The following TAFA5 variants were observed in gnomAD, a reference collection of about 807,000 sequenced individuals.
TAFA5 encodes the protein chemokine-like protein TAFA-5.
Under a neutral mutation model 15.3 loss-of-function variants are expected in TAFA5, and 6 were observed. The ratio of observed to expected loss-of-function variants is 0.39; its 90% CI spans 0.21 to 0.77. The LOEUF (loss-of-function observed/expected upper bound fraction) is 0.77, where lower values mean the gene tolerates loss of function less well. TAFA5 is among the 30% of genes least tolerant of loss of function. The pLI, the probability that TAFA5 is intolerant of heterozygous loss-of-function variation, is 0.41. For missense variants in TAFA5, 161 were observed against 193.1 expected, an observed-to-expected ratio of 0.83 and a Z score of 0.98; for synonymous variants, 103 against 80.7, an observed-to-expected ratio of 1.28 and a Z score of -1.48.
chr22:48,669,130 G>A (rs904491537), intron 2 of TAFA5, among the ~76,000 whole-genome samples: 2 of 152,310 alleles, frequency 1.3e-5, no homozygotes, highest in East Asian at 1.9e-4. Flanking sequence ...GGAAGCCCCC[G>A]CCAGACACCG....
At chr22:48,632,431 A>AGTTTT (rs1926265337) in intron 1 of TAFA5, among the ~76,000 whole-genome samples, 1 of 150,526 alleles carries the variant, frequency 6.6e-6, no homozygotes, top group Non-Finnish European at 1.5e-5. Context: ...TTTGGTGCCA[A>AGTTTT]GTTTTGGGGT....
intron 1 of TAFA5, among the ~76,000 whole-genome samples, chr22:48,564,780 T>A (rs1214360746): frequency 6.6e-6 from 1 of 152,196 alleles, no homozygotes; most frequent in East Asian, 1.9e-4. Context: ...GGGAATGTCC[T>A]GGGGGTTCCA....
intron 1 of TAFA5, among the ~76,000 whole-genome samples, chr22:48,595,341 G>A (rs987350415): frequency 2.0e-5 from 3 of 152,258 alleles, no homozygotes; most frequent in African/African-American, 4.8e-5. Flanking sequence ...TTCCCGGCGC[G>A]TCAGTGGGGG....
At chr22:48,734,984 G>A (rs1601706116) in intron 3 of TAFA5, among the ~76,000 whole-genome samples, 1 of 152,234 alleles carries the variant, frequency 6.6e-6, no homozygotes, top group Non-Finnish European at 1.5e-5. Context: ...CATGTGGCGT[G>A]AGGAAGAACG....
chr22:48,735,372 T>A (rs374464844), intron 3 of TAFA5, among the ~76,000 whole-genome samples: 1 of 152,130 alleles, frequency 6.6e-6, no homozygotes, highest in African/African-American at 2.4e-5. Flanking sequence ...CATAACCTTG[T>A]GATAGACGCA....
chr22:48,635,480 GCTC>G (rs1316515379), intron 1 of TAFA5, among the ~76,000 whole-genome samples: 1 of 152,240 alleles, frequency 6.6e-6, no homozygotes, highest in African/African-American at 2.4e-5. Flanking sequence ...TCCAGCAGCA[GCTC>G]CTCCTCCGTG....
chr22:48,548,272 A>T (rs1424285878), intron 1 of TAFA5, among the ~76,000 whole-genome samples: 1 of 152,142 alleles, frequency 6.6e-6, no homozygotes, highest in Non-Finnish European at 1.5e-5. Flanking sequence ...TGGAAATGCC[A>T]TGTGCAGCTG....
chr22:48,603,745 G>C (rs2147167228), intron 1 of TAFA5, among the ~76,000 whole-genome samples: 1 of 152,306 alleles, frequency 6.6e-6, no homozygotes, highest in Non-Finnish European at 1.5e-5. Flanking sequence ...TTCCTAAAAA[G>C]TAGCTTTCAT....
At chr22:48,601,448 T>A (rs1924970268) in intron 1 of TAFA5, among the ~76,000 whole-genome samples, 2 of 152,172 alleles carry the variant, frequency 1.3e-5, no homozygotes, top group African/African-American at 4.8e-5. Context: ...TGCTTCAGCC[T>A]CCAGAGTAGC....
intron 2 of TAFA5, among the ~76,000 whole-genome samples, chr22:48,655,827 A>ATTT (rs1927217579): frequency 4.5e-5 from 4 of 89,448 alleles, no homozygotes; most frequent in East Asian, 5.0e-4. Flanking sequence ...CCAAACACTG[A>ATTT]TTCTTTTTTT....
Position 48,552,009 on chromosome 22 carries a change from C to T in TAFA5, c.112+62305C>T, listed in dbSNP as rs1359335295. Among the ~76,000 whole-genome samples the T allele has an allele frequency of 6.6e-6, 1 of 152,206 alleles. No homozygotes were observed. Among genetic ancestry groups the T allele is most frequent in the Non-Finnish European group, 1.5e-5 (1 of 68,024 alleles). Reference sequence around the variant, plus strand: ...CGGGAAGGCAGTGCTGGCCCCACGCCCTGCGATGGCCGTTCAGCTCTGACT... The same window carrying T: ...CGGGAAGGCAGTGCTGGCCCCACGCTCTGCGATGGCCGTTCAGCTCTGACT... On this transcript the variant is annotated intron_variant, in intron 1 of 3. Transcript: ENST00000402357. This position sits in a 1 kb window ranked among gnomAD's most constrained non-coding sequence, Gnocchi z 4.1.
intron 1 of TAFA5, among the ~76,000 whole-genome samples, chr22:48,636,516 C>T (rs1327565481): frequency 3.1e-5 from 1 of 32,006 alleles, no homozygotes; most frequent in East Asian, 1.9e-3. Flanking sequence ...AGGCACTTAA[C>T]TTATGAGTCA....
At chr22:48,535,249 G>A (rs1473237577) in intron 1 of TAFA5, among the ~76,000 whole-genome samples, 2 of 151,964 alleles carry the variant, frequency 1.3e-5, no homozygotes, top group African/African-American at 4.9e-5. Context: ...TTAAAAGTGT[G>A]TCTTTTCATC....
At position 48,704,200 on chromosome 22, in the gene TAFA5, GCACACACA is replaced by G. The variant is rs61363637; in HGVS notation, c.263-3501_263-3494del. Among the ~76,000 whole-genome samples the G allele has an allele frequency of 4.9e-3, 729 of 150,204 alleles. 9 individuals carry two copies. Among genetic ancestry groups the G allele is most frequent in the African/African-American group, 0.017 (692 of 40,910 alleles). ...AGAAACACACCCTCAACACACACGCGCACACACACACACACACACACACGATGCTTTCT... is the reference window on the plus strand; with the variant it reads ...AGAAACACACCCTCAACACACACGCGCACACACACACACACGATGCTTTCT... On this transcript the variant is annotated intron_variant, in intron 2 of 3. Transcript: ENST00000402357.
chr22:48,599,008 G>A (rs1331598336), intron 1 of TAFA5, among the ~76,000 whole-genome samples: 2 of 152,156 alleles, frequency 1.3e-5, no homozygotes, highest in East Asian at 3.9e-4. Context: ...GGTGCATAGG[G>A]CCAGGGGAGG....
At chr22:48,511,462 C>T (rs1383879448) in intron 1 of TAFA5, among the ~76,000 whole-genome samples, 1 of 152,198 alleles carries the variant, frequency 6.6e-6, no homozygotes, top group East Asian at 1.9e-4. Flanking sequence ...CTTATAAGGA[C>T]AGGAGCACAT....
At chr22:48,638,591 C>T (rs552675599) in intron 1 of TAFA5, among the ~76,000 whole-genome samples, 53 of 132,034 alleles carry the variant, frequency 4.0e-4, no homozygotes, top group African/African-American at 1.4e-3. Flanking sequence ...GGTCACCACA[C>T]ACAGGCAATA....
chr22:48,542,688 ATGTG>A (rs1922498597), intron 1 of TAFA5, among the ~76,000 whole-genome samples: 1 of 53,252 alleles, frequency 1.9e-5, no homozygotes, highest in African/African-American at 7.7e-5. Context: ...TGTGTGGTGT[ATGTG>A]TGGTGTGTGT....
At chr22:48,676,470 C>T (rs1227209903) in intron 2 of TAFA5, among the ~76,000 whole-genome samples, 5 of 152,210 alleles carry the variant, frequency 3.3e-5, no homozygotes, top group African/African-American at 7.2e-5. Context: ...CGCTCAGAGG[C>T]GCAGGGGGAA....
Sources: allele counts gnomAD v4.1 joint callset (sites outside exome capture counted in the v4.1 genomes callset), GRCh38; gene constraint gnomAD v4.1.1; non-coding constraint Gnocchi (gnomAD v3.1); transcripts MANE v1.5; gene names NCBI Gene and HGNC (gene_info 2026-07-23, HGNC 2026-07-21).